Variants in ZMAT4 observed in about 807,000 individuals in gnomAD.
ZMAT4 encodes zinc finger matrin-type 4.
A neutral mutation model predicts 28.7 loss-of-function variants in ZMAT4; 17 were observed. That is an observed-to-expected ratio of 0.59 (90% CI 0.41 to 0.89). ZMAT4 has a LOEUF of 0.89. ZMAT4 is among the 40% of genes least tolerant of loss of function. The pLI, the probability that ZMAT4 is intolerant of heterozygous loss-of-function variation, is 0.00. For missense variants in ZMAT4, 240 were observed against 283.8 expected (o/e 0.85, Z 1.11); for synonymous variants, 117 against 109.2 (o/e 1.07, Z -0.44).
chr8:40,606,077 G>A (rs752303870), intron 5 of ZMAT4, among the ~76,000 whole-genome samples: 1 of 152,076 alleles, frequency 6.6e-6, no homozygotes, highest in Non-Finnish European at 1.5e-5. Context: ...ATGTGTGTTC[G>A]ATTAGTCTCT....
chr8:40,880,496 A>G (rs1026265266), intron 1 of ZMAT4, among the ~76,000 whole-genome samples: 1 of 152,180 alleles, frequency 6.6e-6, no homozygotes. Flanking sequence ...ATAATTTTAT[A>G]GCTGGAAAAT....
intron 1 of ZMAT4, among the ~76,000 whole-genome samples, chr8:40,844,311 G>T (rs1445050778): frequency 6.6e-6 from 1 of 152,182 alleles, no homozygotes; most frequent in Non-Finnish European, 1.5e-5. Flanking sequence ...TGCGTAGACT[G>T]AGCAGAGATC....
intron 5 of ZMAT4, among the ~76,000 whole-genome samples, chr8:40,634,934 CAGTATATT>C (rs1806735655): frequency 6.6e-6 from 1 of 152,284 alleles, no homozygotes; most frequent in South Asian, 2.1e-4. Context: ...ACTTCATTTG[CAGTATATT>C]AATTTGTACA....
intron 1 of ZMAT4, among the ~76,000 whole-genome samples, chr8:40,828,472 C>A (rs1816158731): frequency 6.6e-6 from 1 of 151,826 alleles, no homozygotes; most frequent in Non-Finnish European, 1.5e-5. Context: ...CGTGTCGGAC[C>A]AAGCAGGCCC....
chr8:40,581,306 C>T (rs1008499793), intron 5 of ZMAT4, 45 bp from the exon 6 acceptor site: 2 of 1,531,614 alleles, frequency 1.3e-6, no homozygotes, highest in Middle Eastern at 1.7e-4. Context: ...CAGTCGTCAA[C>T]CACCTGAAAT....
intron 5 of ZMAT4, among the ~76,000 whole-genome samples, chr8:40,607,284 C>T (rs1260887619): frequency 1.3e-5 from 2 of 151,894 alleles, no homozygotes; most frequent in Non-Finnish European, 2.9e-5. Context: ...GCCACCACCC[C>T]TGGCTAATTT....
chr8:40,689,023 T>G (rs1809544174), intron 4 of ZMAT4, among the ~76,000 whole-genome samples: 2 of 152,222 alleles, frequency 1.3e-5, no homozygotes, highest in South Asian at 4.1e-4. Flanking sequence ...AAGGGAGTTG[T>G]AACTGTTGAT....
At chr8:40,601,614 G>C (rs1260625958) in intron 5 of ZMAT4, among the ~76,000 whole-genome samples, 6 of 27,170 alleles carry the variant, frequency 2.2e-4, no homozygotes, top group Non-Finnish European at 6.5e-4. Flanking sequence ...AAGAAAGAAA[G>C]AAAGAAAGAA....
At chr8:40,822,433 A>G (rs982528800) in intron 2 of ZMAT4, among the ~76,000 whole-genome samples, 2 of 152,230 alleles carry the variant, frequency 1.3e-5, no homozygotes, top group Non-Finnish European at 2.9e-5. Flanking sequence ...CATGGAGACT[A>G]AGTGTGACAG....
chr8:40,654,167 A>G (rs951011142), intron 5 of ZMAT4, among the ~76,000 whole-genome samples: 4 of 152,200 alleles, frequency 2.6e-5, no homozygotes, highest in Non-Finnish European at 5.9e-5. Flanking sequence ...TAGCTATAAA[A>G]GATGCAAAGC....
At chr8:40,867,803 T>C (rs1207885519) in intron 1 of ZMAT4, among the ~76,000 whole-genome samples, 1 of 152,224 alleles carries the variant, frequency 6.6e-6, no homozygotes, top group Non-Finnish European at 1.5e-5. Context: ...TCTTACTCTG[T>C]TATTTTCCCA....
Position 40,530,743 on chromosome 8 carries a change from T to A in ZMAT4, c.*1480A>T, listed in dbSNP as rs1802666792. 6.6e-6 allele frequency: 1 copy of A among 152,614 alleles called. No homozygotes were observed. Among genetic ancestry groups the A allele is most frequent in the Admixed American group, 6.5e-5 (1 of 15,286 alleles). 9.5% of individuals were successfully genotyped at this position (152,614 alleles called of 1,614,324 possible). On this transcript the variant is annotated 3_prime_UTR_variant, in exon 7 of 7. Coordinates refer to ENST00000297737, the MANE Select transcript of ZMAT4 (RefSeq NM_024645.3). ...AAAACAGCAAAATAGATTCTTCCCA[T>A]CCAACCCCCTTTCCTCTTGTAGAGT...
chr8:40,668,860 A>G (rs1585850339), intron 5 of ZMAT4, among the ~76,000 whole-genome samples: 1 of 148,788 alleles, frequency 6.7e-6, no homozygotes, highest in East Asian at 2.0e-4. Context: ...CTTGCCAGTA[A>G]GGAACTGCCT....
At chr8:40,783,644 A>G (rs1247615911) in intron 2 of ZMAT4, among the ~76,000 whole-genome samples, 1 of 152,198 alleles carries the variant, frequency 6.6e-6, no homozygotes, top group Non-Finnish European at 1.5e-5. Context: ...ACATAAACAT[A>G]AGAGATGCAT....
intron 2 of ZMAT4, among the ~76,000 whole-genome samples, chr8:40,814,046 G>A (rs1332577827): frequency 1.3e-5 from 2 of 152,222 alleles, no homozygotes; most frequent in South Asian, 4.1e-4. Context: ...GAGCAGAGAT[G>A]CCAAGATGGC....
intron 3 of ZMAT4, among the ~76,000 whole-genome samples, chr8:40,752,755 A>G (rs903936863): frequency 1.1e-4 from 16 of 151,926 alleles, no homozygotes; most frequent in Non-Finnish European, 2.1e-4. Context: ...GATTCAGTGG[A>G]CTCTTGCAAG....
chr8:40,597,726 T>C (rs1159495700), intron 5 of ZMAT4, among the ~76,000 whole-genome samples: 1 of 152,222 alleles, frequency 6.6e-6, no homozygotes, highest in African/African-American at 2.4e-5. Context: ...GCTTGATACA[T>C]ATAGGTGCTC....
intron 2 of ZMAT4, among the ~76,000 whole-genome samples, chr8:40,791,156 G>A (rs1425888399): frequency 1.3e-5 from 2 of 152,210 alleles, no homozygotes; most frequent in African/African-American, 4.8e-5. Context: ...ATCTAACTGT[G>A]TAACCTAAAA....
intron 1 of ZMAT4, among the ~76,000 whole-genome samples, chr8:40,856,786 C>T (rs1015835502): frequency 1.3e-5 from 2 of 152,132 alleles, no homozygotes; most frequent in African/African-American, 4.8e-5. Flanking sequence ...GGATGCTCTA[C>T]ACATGGCTGG....
Sources: allele counts gnomAD v4.1 joint callset (sites outside exome capture counted in the v4.1 genomes callset), GRCh38; gene constraint gnomAD v4.1.1; transcripts MANE v1.5; gene names NCBI Gene and HGNC (gene_info 2026-07-23, HGNC 2026-07-21).